The following GPC5 variants were observed in gnomAD, a reference collection of about 807,000 sequenced individuals.
The protein encoded by GPC5 is glypican 5.
In GPC5, 47 loss-of-function variants were observed where a neutral mutation model predicts 53.9. The ratio of observed to expected loss-of-function variants is 0.87; its 90% CI spans 0.69 to 1.11. GPC5 has a LOEUF of 1.11. Ranked by LOEUF, GPC5 falls within the 50% of genes most tolerant of loss-of-function variation. The pLI is 0.00. For missense variants in GPC5, 748 were observed against 713.1 expected (o/e 1.05, Z -0.56); for synonymous variants, 286 against 263.3 (o/e 1.09, Z -0.84).
intron 5 of GPC5, among the ~76,000 whole-genome samples, chr13:91,858,285 A>G (rs2038988915): frequency 1.3e-5 from 2 of 151,884 alleles, no homozygotes; most frequent in African/African-American, 2.4e-5. Flanking sequence ...CCCATTTAGT[A>G]TGATACTAAC....
intron 2 of GPC5, among the ~76,000 whole-genome samples, chr13:91,573,562 C>T (rs1413443065): frequency 2.0e-5 from 3 of 152,138 alleles, no homozygotes; most frequent in African/African-American, 7.2e-5. Context: ...AGAGCTCAAA[C>T]TATAGCTTAT....
intron 6 of GPC5, among the ~76,000 whole-genome samples, chr13:92,136,753 A>G (rs2041787761): frequency 6.6e-6 from 1 of 152,232 alleles, no homozygotes; most frequent in Admixed American, 6.5e-5. Flanking sequence ...AACAGGTTGT[A>G]TGTGTGAGCC....
intron 7 of GPC5, among the ~76,000 whole-genome samples, chr13:92,681,353 G>A (rs185191514): frequency 1.9e-4 from 28 of 150,200 alleles, no homozygotes; most frequent in Admixed American, 5.3e-4. Context: ...CTCTGTTCTC[G>A]CCTCTGAGTG....
At position 91,928,915 on chromosome 13, in the gene GPC5, T is replaced by G. The variant is rs188051013; in HGVS notation, c.1401+20858T>G. On this transcript the variant is annotated intron_variant, in intron 6 of 7. Transcript: ENST00000377067. Reference sequence around the variant, plus strand: ...CATTGTGCTAACCAATCATTTAAAATTTTTACTCCAGAGAAACGGCAATAT... The same window carrying G: ...CATTGTGCTAACCAATCATTTAAAAGTTTTACTCCAGAGAAACGGCAATAT... Among the ~76,000 whole-genome samples, 105 of 152,272 alleles carry G rather than the reference T, an allele frequency of 6.9e-4. 1 individual carries two copies. Among genetic ancestry groups the G allele is most frequent in the African/African-American group, 2.4e-3 (98 of 41,564 alleles).
At chr13:92,334,952 T>C (rs1172985247) in intron 7 of GPC5, among the ~76,000 whole-genome samples, 2 of 152,146 alleles carry the variant, frequency 1.3e-5, no homozygotes, top group Non-Finnish European at 2.9e-5. Context: ...GCTGAGTGTC[T>C]GTGGCTTTTC....
intron 7 of GPC5, among the ~76,000 whole-genome samples, chr13:92,205,130 G>A (rs1344610669): frequency 4.6e-5 from 7 of 152,030 alleles, no homozygotes; most frequent in East Asian, 1.9e-4. Context: ...CGCCCACCTC[G>A]GCCTCCCAGA....
rs541030283 is a variant in GPC5, at chr13:92,534,062, A to C, written c.1562-332220A>C. 1.4e-3 allele frequency among the ~76,000 whole-genome samples: 216 copies of C among 152,262 alleles called. 1 individual carries two copies. Among genetic ancestry groups the C allele is most frequent in the African/African-American group, 5.0e-3 (207 of 41,562 alleles). On this transcript the variant is annotated intron_variant, in intron 7 of 7. Transcript: ENST00000377067. ...AGCACTTTGGGAAGCTTAAGTGAGA[A>C]GATCACTTGAGCCCATTAGATCAAG...
chr13:91,432,235 G>C, intron 1 of GPC5, among the ~76,000 whole-genome samples: 1 of 151,366 alleles, frequency 6.6e-6, no homozygotes, highest in Non-Finnish European at 1.5e-5. Context: ...GTGTGTGTGT[G>C]TGTGTGTGTG....
At chr13:91,756,080 A>AAC (rs577392911) in intron 4 of GPC5, among the ~76,000 whole-genome samples, 5 of 150,850 alleles carry the variant, frequency 3.3e-5, no homozygotes, top group African/African-American at 1.2e-4. Flanking sequence ...TTTTTGAAAA[A>AAC]AAAAAAAAAG....
chr13:92,116,378 A>G (rs2138936210), intron 6 of GPC5, among the ~76,000 whole-genome samples: 1 of 152,196 alleles, frequency 6.6e-6, no homozygotes, highest in Middle Eastern at 3.4e-3. Flanking sequence ...AATAAAACCA[A>G]CTCTGCCAAC....
rs1261199889 is a variant in GPC5 at position 92,010,421 on chromosome 13, A to T, written c.1401+102364A>T. On this transcript the variant is annotated intron_variant, in intron 6 of 7. Coordinates refer to ENST00000377067, the MANE Select transcript of GPC5 (RefSeq NM_004466.6). ...GCAAATAAATGAATATCGCAATAAG[A>T]GTTTTATCTGGCAAGGGAAAAAAAG... Among the ~76,000 whole-genome samples the T allele has an allele frequency of 2.0e-5, 3 of 152,146 alleles. No individual in the cohort carries two copies. In the East Asian group the frequency reaches 5.8e-4, roughly 29 times the overall value.
intron 7 of GPC5, among the ~76,000 whole-genome samples, chr13:92,453,518 A>G (rs1040328645): frequency 1.3e-5 from 2 of 152,216 alleles, no homozygotes; most frequent in African/African-American, 4.8e-5. Flanking sequence ...TTGAACAGAG[A>G]GAAAGTGAAA....
At chr13:92,384,647 AGG>A (rs879943294) in intron 7 of GPC5, among the ~76,000 whole-genome samples, 21 of 152,104 alleles carry the variant, frequency 1.4e-4, no homozygotes, top group Admixed American at 1.4e-3. Context: ...TTGAGATTGG[AGG>A]GGAATAAGGT....
At position 91,418,795 on chromosome 13, in the gene GPC5, G is replaced by C. The variant is rs529277558; in HGVS notation, c.163+19586G>C. Reference sequence around the variant, plus strand: ...TTTAATACTTCTTTTCCAGGTGTGAGATTAGAGTGGTTGTAGTACCAACAG... The same window carrying C: ...TTTAATACTTCTTTTCCAGGTGTGACATTAGAGTGGTTGTAGTACCAACAG... On this transcript the variant is annotated intron_variant, in intron 1 of 7. Transcript: ENST00000377067. Among the ~76,000 whole-genome samples the C allele has an allele frequency of 2.0e-5, 3 of 152,204 alleles. No individual in the cohort carries two copies. In the South Asian group the frequency reaches 6.2e-4, roughly 32 times the overall value.
At chr13:91,971,203 A>G (rs2040238607) in intron 6 of GPC5, among the ~76,000 whole-genome samples, 2 of 152,064 alleles carry the variant, frequency 1.3e-5, no homozygotes, top group Admixed American at 1.3e-4. Flanking sequence ...GGGAGGGTGT[A>G]TGTGTCGAGG....
chr13:92,317,669 T>A (rs1445842125), intron 7 of GPC5, among the ~76,000 whole-genome samples: 1 of 151,834 alleles, frequency 6.6e-6, no homozygotes. Context: ...ATTTTTTTTA[T>A]TTTTTTATTT....
chr13:92,207,641 T>A (rs2042346989), intron 7 of GPC5, among the ~76,000 whole-genome samples: 1 of 152,228 alleles, frequency 6.6e-6, no homozygotes. Flanking sequence ...TAGAGACATA[T>A]AATCCAGCCC....
chr13:92,567,702 C>G (rs186576278), intron 7 of GPC5, among the ~76,000 whole-genome samples: 18 of 152,202 alleles, frequency 1.2e-4, no homozygotes, highest in Admixed American at 3.3e-4. Context: ...GCTAAAAAGA[C>G]AAGAACATGG....
At chr13:92,640,677 C>G (rs1342743662) in intron 7 of GPC5, among the ~76,000 whole-genome samples, 1 of 151,894 alleles carries the variant, frequency 6.6e-6, no homozygotes, top group African/African-American at 2.4e-5. Flanking sequence ...CTTTTTGTGC[C>G]AGAAAGAAAG....
Sources: gnomAD v4.1 joint callset for allele counts (sites outside exome capture counted in the v4.1 genomes callset) on GRCh38, gnomAD v4.1.1 for gene constraint, MANE v1.5 for transcripts, NCBI Gene and HGNC (gene_info 2026-07-23, HGNC 2026-07-21) for gene names.